Variants in SLC2A14 observed in about 807,000 individuals in gnomAD.
SLC2A14 encodes solute carrier family 2, facilitated glucose transporter member 14.
SLC2A14 carries 13 observed loss-of-function variants against 43.0 expected under a neutral mutation model. That is an observed-to-expected ratio of 0.30 (90% CI 0.20 to 0.48). The LOEUF (loss-of-function observed/expected upper bound fraction) is 0.48. Among genes scored for constraint, SLC2A14 ranks in the 20% least tolerant of loss-of-function variants. SLC2A14 has a pLI of 0.99. For synonymous variants in SLC2A14, 190 were observed against 233.8 expected (o/e 0.81, Z 1.71); for missense variants, 428 against 620.4 (o/e 0.69, Z 3.29).
rs1288386632 is a variant in SLC2A14, at chr12:7,813,850, C to G, written c.*466G>C. 1 of 160,750 alleles carries G rather than the reference C, an allele frequency of 6.2e-6. No homozygotes were observed. The highest frequency in any genetic ancestry group is 1.4e-5 in the Non-Finnish European group (1 of 72,470). 10.0% of individuals were successfully genotyped at this position (160,750 alleles called of 1,614,324 possible). ...AAACCAGAGGATAAGATAAATAAAACTCAAGTTAATTTGCCGCGTAGAGCT... is the reference window on the plus strand; with the variant it reads ...AAACCAGAGGATAAGATAAATAAAAGTCAAGTTAATTTGCCGCGTAGAGCT... On this transcript the variant is annotated 3_prime_UTR_variant, in exon 11 of 11. Coordinates refer to ENST00000431042, the MANE Select transcript of SLC2A14 (RefSeq NM_001286234.2).
At chr12:7,885,945 T>C (rs1401609846) in intron 1 of SLC2A14, among the ~76,000 whole-genome samples, 1 of 152,050 alleles carries the variant, frequency 6.6e-6, no homozygotes, top group East Asian at 1.9e-4. Context: ...GAAGATTTAT[T>C]GTATTGTTCA....
chr12:7,888,967 C>A (rs1056577716), intron 1 of SLC2A14, among the ~76,000 whole-genome samples: 20 of 151,874 alleles, frequency 1.3e-4, no homozygotes, highest in Admixed American at 3.3e-4. Context: ...CTATATAAAC[C>A]AAGATGATCA....
upstream of SLC2A14, chr12:7,891,170 C>T (rs1301106470): frequency 6.6e-7 from 1 of 1,522,500 alleles, no homozygotes; most frequent in South Asian, 1.2e-5. Context: ...GCCAGCTGCT[C>T]CCAGTGCAGA....
rs1242319049 is a variant in SLC2A14, at chr12:7,821,265, T to C, written c.925A>G (p.Thr309Ala). 2 of 1,613,994 alleles carry C rather than the reference T, an allele frequency of 1.2e-6. No individual in the cohort carries two copies. The highest frequency in any genetic ancestry group is 4.5e-5 in the East Asian group (2 of 44,874). ...DAGVQQPIYA[T>A]ISAGVVNTIF... is the part of the protein sequence containing the mutation. Reference sequence around the variant, plus strand: ...GTATTAACCACACCCGCGCTGATGGTGGCATAGATGGGCTGTTGAACACCT... The same window carrying C: ...GTATTAACCACACCCGCGCTGATGGCGGCATAGATGGGCTGTTGAACACCT... The change falls in exon 8 of 11, where the codon ACC (threonine) becomes GCC (alanine). Residue 309 changes from threonine (T) to alanine (A), a missense_variant. Coordinates refer to ENST00000431042, the MANE Select transcript of SLC2A14 (RefSeq NM_001286234.2).
intron 2 of SLC2A14, among the ~76,000 whole-genome samples, chr12:7,849,381 G>A (rs1866735912): frequency 6.6e-6 from 1 of 151,982 alleles, no homozygotes; most frequent in African/African-American, 2.4e-5. Context: ...GCGCCCACCT[G>A]TGGTCCTAGC....
intron 2 of SLC2A14, among the ~76,000 whole-genome samples, chr12:7,863,170 G>GGTA (rs1944688938): frequency 6.6e-6 from 1 of 152,006 alleles, no homozygotes; most frequent in Non-Finnish European, 1.5e-5. Context: ...TGAGCCCAGC[G>GGTA]AGACTACGAG....
At chr12:7,863,428 A>T (rs1423155200) in intron 2 of SLC2A14, 1 of 453,514 alleles carries the variant, frequency 2.2e-6, no homozygotes, top group South Asian at 1.6e-5. Flanking sequence ...CCAATTCCAG[A>T]CACATGGCCA....
upstream of SLC2A14, among the ~76,000 whole-genome samples, chr12:7,878,170 C>G (rs141601042): frequency 2.6e-5 from 4 of 152,280 alleles, no homozygotes; most frequent in African/African-American, 9.6e-5. Flanking sequence ...CTTGCCTCAG[C>G]CTCCCAGGTT....
intron 1 of SLC2A14, among the ~76,000 whole-genome samples, chr12:7,884,862 T>A (rs1166396655): frequency 6.6e-6 from 1 of 151,850 alleles, no homozygotes. Context: ...CCTTTTTACA[T>A]TGGGTCAAAG....
chr12:7,870,989 C>G (rs1306600808), intron 1 of SLC2A14: 1 of 1,436,582 alleles, frequency 7.0e-7, no homozygotes, highest in African/African-American at 1.4e-5. Context: ...TGACCAGAAC[C>G]ATGATGGCTT....
intron 1 of SLC2A14, chr12:7,871,164 C>A: frequency 7.9e-7 from 1 of 1,270,908 alleles, no homozygotes; most frequent in South Asian, 1.6e-5. Context: ...AGGATGTGAT[C>A]CAAAACGCCT....
chr12:7,819,666 C>G, intron 8 of SLC2A14, 83 bp from the exon 9 acceptor site: 3 of 1,320,680 alleles, frequency 2.3e-6, no homozygotes, highest in Non-Finnish European at 3.1e-6. Flanking sequence ...GCCTTACCAA[C>G]AGCAGGACAC....
intron 2 of SLC2A14, among the ~76,000 whole-genome samples, chr12:7,864,395 G>A (rs977875155): frequency 2.0e-5 from 3 of 152,118 alleles, no homozygotes; most frequent in Admixed American, 6.5e-5. Context: ...GCTGAGTGCA[G>A]TGGTGCAATC....
chr12:7,845,291 C>A lies in SLC2A14; in HGVS notation c.19-12477G>T, dbSNP rs113133378. 1.9e-3 allele frequency among the ~76,000 whole-genome samples: 283 copies of A among 152,248 alleles called. 4 individuals carry two copies. Among genetic ancestry groups the A allele is most frequent in the African/African-American group, 6.6e-3 (273 of 41,550 alleles). Reference sequence around the variant, plus strand: ...AAATGGCAGAGAAAAACAAAACCAACTTGATTTAGTCTATTCATGCTCCTC... The same window carrying A: ...AAATGGCAGAGAAAAACAAAACCAAATTGATTTAGTCTATTCATGCTCCTC... On this transcript the variant is annotated intron_variant, in intron 2 of 10. Transcript: ENST00000431042.
chr12:7,854,018 G>A (rs1355722958), intron 2 of SLC2A14, among the ~76,000 whole-genome samples: 1 of 152,112 alleles, frequency 6.6e-6, no homozygotes, highest in Non-Finnish European at 1.5e-5. Flanking sequence ...TCGTAAGTTA[G>A]TTAAGTTTTT....
At chr12:7,854,874 G>A (rs112918689) in intron 2 of SLC2A14, among the ~76,000 whole-genome samples, 17,251 of 151,358 alleles carry the variant, frequency 0.11, 1,082 homozygotes, top group Middle Eastern at 0.16. Flanking sequence ...GTAGTGGCGC[G>A]ATCTCAGCTC....
chr12:7,875,644 G>A (rs1945451435), upstream of SLC2A14, among the ~76,000 whole-genome samples: 1 of 152,082 alleles, frequency 6.6e-6, no homozygotes, highest in Non-Finnish European at 1.5e-5. Context: ...GGTAATAAGA[G>A]TGGTGTCTCA....
At chr12:7,884,639 A>T (rs1392963488) in intron 1 of SLC2A14, among the ~76,000 whole-genome samples, 1 of 152,072 alleles carries the variant, frequency 6.6e-6, no homozygotes, top group African/African-American at 2.4e-5. Context: ...TTCTCTCTCA[A>T]CATCATCATC....
At position 7,831,585 on chromosome 12, in the gene SLC2A14, C is replaced by G; in HGVS notation, c.272+19G>C. 6.2e-7 allele frequency: 1 copy of G among 1,613,670 alleles called. No homozygotes were observed. The stretch of plus-strand genomic sequence containing the variant: ...GCATCTGGTAGAGCCCACTTCCTTG[C>G]CCAGTTTCTAGTCAATACCTGCCAA... On this transcript the variant is annotated intron_variant, in intron 4 of 10. Coordinates refer to ENST00000431042, the MANE Select transcript of SLC2A14 (RefSeq NM_001286234.2).
Sources: allele counts gnomAD v4.1 joint callset (sites outside exome capture counted in the v4.1 genomes callset), GRCh38; gene constraint gnomAD v4.1.1; transcripts MANE v1.5; gene names NCBI Gene and HGNC (gene_info 2026-07-23, HGNC 2026-07-21).